ARHGAP32: variants seen among roughly 807,000 people sequenced by gnomAD.
The protein encoded by ARHGAP32 is Rho GTPase activating protein 32.
Under a neutral mutation model 186.5 loss-of-function variants are expected in ARHGAP32, and 51 were observed. The observed-to-expected ratio is 0.27, with a 90% CI of 0.22 to 0.35. The LOEUF (loss-of-function observed/expected upper bound fraction) is 0.35. Among genes scored for constraint, ARHGAP32 ranks in the 10% least tolerant of loss-of-function variants. The pLI, the probability that ARHGAP32 is intolerant of heterozygous loss-of-function variation, is 1.00. For synonymous variants in ARHGAP32, 950 were observed against 964.3 expected (o/e 0.99, Z 0.27); for missense variants, 2,186 against 2,623.5 (o/e 0.83, Z 3.64).
chr11:129,047,807 G>A (rs566490468), intron 10 of ARHGAP32, among the ~76,000 whole-genome samples: 9 of 152,188 alleles, frequency 5.9e-5, no homozygotes, highest in South Asian at 4.2e-4. Context: ...TCAAATAGAC[G>A]GTAAGTCAAT....
At chr11:129,150,415 T>A (rs1351530672) in intron 2 of ARHGAP32, among the ~76,000 whole-genome samples, 2 of 152,122 alleles carry the variant, frequency 1.3e-5, no homozygotes, top group Non-Finnish European at 2.9e-5. Context: ...GCTCCTGCAG[T>A]GCCCCACTCA....
At chr11:128,991,551 A>T (rs1485145867) in intron 12 of ARHGAP32, among the ~76,000 whole-genome samples, 3 of 152,078 alleles carry the variant, frequency 2.0e-5, no homozygotes, top group Non-Finnish European at 4.4e-5. Context: ...TCCTAGTTTT[A>T]AAAAAAGGCT....
rs781286049 is a variant in ARHGAP32, at chr11:129,118,560, T to C, written c.444+4886A>G. Among the ~76,000 whole-genome samples, 89 of 151,962 alleles carry C rather than the reference T, an allele frequency of 5.9e-4. 4 individuals are homozygous for C. The highest frequency in any genetic ancestry group is 2.0e-4 in the Admixed American group (3 of 15,228). ...TTTAAGAAAATATAAATGATAAAAA[T>C]TGATCTAAGGAGATACAAAAGAACC... On this transcript the variant is annotated intron_variant, in intron 5 of 22. Transcript: ENST00000682385.
chr11:129,116,506 T>C (rs1261784160), intron 5 of ARHGAP32, among the ~76,000 whole-genome samples: 1 of 152,060 alleles, frequency 6.6e-6, no homozygotes, highest in African/African-American at 2.4e-5. Context: ...GCTAAGATTT[T>C]TATTTCTTTT....
At chr11:129,097,822 T>C (rs1941778990) in intron 5 of ARHGAP32, among the ~76,000 whole-genome samples, 1 of 152,086 alleles carries the variant, frequency 6.6e-6, no homozygotes, top group Non-Finnish European at 1.5e-5. Flanking sequence ...AGAAGCTCAA[T>C]GAACTCTAAG....
chr11:129,211,459 T>A (rs1944581312), intron 1 of ARHGAP32, among the ~76,000 whole-genome samples: 1 of 152,236 alleles, frequency 6.6e-6, no homozygotes, highest in Non-Finnish European at 1.5e-5. Context: ...AGAATAAAAT[T>A]GCTTCCATCA....
intron 2 of ARHGAP32, among the ~76,000 whole-genome samples, chr11:129,128,989 T>A (rs575836656): frequency 1.8e-4 from 28 of 152,304 alleles, no homozygotes; most frequent in African/African-American, 6.7e-4. Context: ...GACTGCAGCC[T>A]CTGCCTGGCC....
At chr11:129,110,605 C>T (rs781116555) in intron 5 of ARHGAP32, among the ~76,000 whole-genome samples, 1 of 152,092 alleles carries the variant, frequency 6.6e-6, no homozygotes, top group African/African-American at 2.4e-5. Flanking sequence ...GTGTCCTCTT[C>T]AATTTCATTC....
At position 128,968,319 on chromosome 11, in the gene ARHGAP32, CTTATTT is replaced by C. The variant is rs1211782705; in HGVS notation, c.*582_*587del. 6.6e-6 allele frequency: 1 copy of C among 152,072 alleles called. No homozygotes were observed. The highest frequency in any genetic ancestry group is 1.5e-5 in the Non-Finnish European group (1 of 68,018). The allele number at this position is 152,072 out of a possible 1,614,324, so 9.4% of individuals were successfully genotyped here. On this transcript the variant is annotated 3_prime_UTR_variant, in exon 23 of 23. Transcript: ENST00000682385. ...AATGTTTAATTTAAAGTCTTAATTT[CTTATTT>C]TTAATTATAATGTTGCCAACTGTCT...
At chr11:129,154,869 A>G (rs951027137) in intron 2 of ARHGAP32, among the ~76,000 whole-genome samples, 1 of 150,050 alleles carries the variant, frequency 6.7e-6, no homozygotes, top group Non-Finnish European at 1.5e-5. Context: ...CTGTTCCCCA[A>G]AAACTACTGA....
intron 1 of ARHGAP32, among the ~76,000 whole-genome samples, chr11:129,238,988 C>A (rs935483493): frequency 4.6e-5 from 7 of 152,028 alleles, no homozygotes; most frequent in Non-Finnish European, 8.8e-5. Context: ...GCACATACCA[C>A]CATGCCCGTC....
chr11:129,086,209 A>G (rs1190106096), intron 6 of ARHGAP32, among the ~76,000 whole-genome samples: 1 of 152,148 alleles, frequency 6.6e-6, no homozygotes, highest in East Asian at 1.9e-4. Flanking sequence ...AGGGTGTTGG[A>G]ACAACTGGAC....
At chr11:129,015,625 T>C (rs189919501) in intron 11 of ARHGAP32, among the ~76,000 whole-genome samples, 346 of 152,314 alleles carry the variant, frequency 2.3e-3, no homozygotes, top group African/African-American at 8.2e-3. Context: ...GACATGTGTA[T>C]GTAGCCATAA....
At chr11:129,203,664 AG>A (rs1944482635) in intron 1 of ARHGAP32, among the ~76,000 whole-genome samples, 1 of 147,422 alleles carries the variant, frequency 6.8e-6, no homozygotes, top group Admixed American at 7.0e-5. Context: ...CTGAGGCAGG[AG>A]GATCCCTTAA....
At chr11:129,132,585 C>T (rs1942836762) in intron 2 of ARHGAP32, among the ~76,000 whole-genome samples, 1 of 152,042 alleles carries the variant, frequency 6.6e-6, no homozygotes, top group African/African-American at 2.4e-5. Context: ...CTGAACCCAG[C>T]CAGGCTGCTG....
chr11:129,025,842 TATC>T (rs200132932), intron 11 of ARHGAP32, among the ~76,000 whole-genome samples: 3,127 of 148,626 alleles, frequency 0.021, 53 homozygotes, highest in Middle Eastern at 0.057. Flanking sequence ...TATATTATTT[TATC>T]ATATTATATA....
chr11:129,167,673 C>T (rs1316373011), intron 1 of ARHGAP32, among the ~76,000 whole-genome samples: 3 of 152,078 alleles, frequency 2.0e-5, no homozygotes, highest in Non-Finnish European at 4.4e-5. Context: ...TAGTCAAGCC[C>T]ATAGAGACAA....
At chr11:129,182,928 A>T (rs777502979) in intron 1 of ARHGAP32, among the ~76,000 whole-genome samples, 46 of 152,066 alleles carry the variant, frequency 3.0e-4, no homozygotes, top group Non-Finnish European at 5.7e-4. Context: ...GATTACAGAC[A>T]TGAGTCACTG....
intron 11 of ARHGAP32, among the ~76,000 whole-genome samples, chr11:129,001,633 A>AT (rs1365087590): frequency 6.6e-6 from 1 of 151,960 alleles, no homozygotes; most frequent in Non-Finnish European, 1.5e-5. Flanking sequence ...CCCACTGTCC[A>AT]TTTTTGCCTT....
Sources: allele counts gnomAD v4.1 joint callset (sites outside exome capture counted in the v4.1 genomes callset), GRCh38; gene constraint gnomAD v4.1.1; transcripts MANE v1.5; gene names NCBI Gene and HGNC (gene_info 2026-07-23, HGNC 2026-07-21).